APBA1: variants seen among roughly 807,000 people sequenced by gnomAD.
APBA1 encodes amyloid beta precursor protein binding family A member 1.
APBA1 carries 55 observed loss-of-function variants against 86.6 expected under a neutral mutation model. That is an observed-to-expected ratio of 0.64 (90% CI 0.51 to 0.80). APBA1 has a LOEUF of 0.80. APBA1 is among the 30% of genes least tolerant of loss of function. The probability of loss-of-function intolerance (pLI) is 0.00; values close to 1 mark genes in which losing one functional copy is unlikely to be tolerated. For missense variants in APBA1, 1,090 were observed against 1,183.0 expected (o/e 0.92, Z 1.15); for synonymous variants, 511 against 493.9 (o/e 1.03, Z -0.46).
At chr9:69,504,926 C>T (rs1835931642) in intron 2 of APBA1, among the ~76,000 whole-genome samples, 1 of 152,014 alleles carries the variant, frequency 6.6e-6, no homozygotes, top group Non-Finnish European at 1.5e-5. Flanking sequence ...TGACAGGCTT[C>T]CAAATAATCC....
chr9:69,630,637 C>T (rs772442717), intron 1 of APBA1, among the ~76,000 whole-genome samples: 1 of 152,162 alleles, frequency 6.6e-6, no homozygotes, highest in Non-Finnish European at 1.5e-5. Context: ...GCAAAGGACA[C>T]TTGTCCTTAA....
At position 69,516,814 on chromosome 9, in the gene APBA1, C is replaced by T; in HGVS notation, c.397G>A (p.Ala133Thr). 6.2e-7 allele frequency: 1 copy of T among 1,607,918 alleles called. No homozygotes were observed. The highest frequency in any genetic ancestry group is 8.5e-7 in the Non-Finnish European group (1 of 1,179,346). The change falls in exon 2 of 13, where the codon GCA (alanine) becomes ACA (threonine). Residue 133 changes from alanine (A) to threonine (T), a missense_variant. Coordinates refer to ENST00000265381, the MANE Select transcript of APBA1 (RefSeq NM_001163.4). The surrounding 1 kb of genome is among the most constrained non-coding windows in gnomAD (Gnocchi z 7.3). ...GTGGCCTCGGCGTGCTCGGCCTCTG[C>T]CTGCTCCGTGTACTCCTCGGCCTCG... is the stretch of plus-strand genomic sequence containing the variant. ...RPEAEEYTEQ[A>T]EAEHAEATHR...
chr9:69,520,447 CA>C (rs1418270311), intron 1 of APBA1, among the ~76,000 whole-genome samples: 2 of 152,022 alleles, frequency 1.3e-5, no homozygotes, highest in Admixed American at 6.5e-5. Context: ...TGAATGTGGA[CA>C]AAAATGTTTC....
chr9:69,528,349 A>C (rs535926166), intron 1 of APBA1, among the ~76,000 whole-genome samples: 129 of 152,230 alleles, frequency 8.5e-4, no homozygotes, highest in Admixed American at 2.9e-3. Context: ...TTTTGAATTT[A>C]TGCAGACTTT....
chr9:69,664,999 G>GT (rs1252671918), intron 1 of APBA1, among the ~76,000 whole-genome samples: 2 of 152,218 alleles, frequency 1.3e-5, no homozygotes, highest in African/African-American at 4.8e-5. Context: ...AGCTATAGCT[G>GT]TATCGACAGT....
intron 1 of APBA1, among the ~76,000 whole-genome samples, chr9:69,603,156 C>T (rs182402037): frequency 1.3e-5 from 2 of 152,306 alleles, no homozygotes; most frequent in East Asian, 3.9e-4. Flanking sequence ...CATTCACATG[C>T]CTTATGCCAC....
intron 2 of APBA1, among the ~76,000 whole-genome samples, chr9:69,499,732 C>A (rs1286610591): frequency 6.6e-6 from 1 of 150,980 alleles, no homozygotes; most frequent in Non-Finnish European, 1.5e-5. Context: ...AACATCAAGG[C>A]AATCAAGGCC....
At chr9:69,560,543 A>T (rs1836931728) in intron 1 of APBA1, among the ~76,000 whole-genome samples, 1 of 152,220 alleles carries the variant, frequency 6.6e-6, no homozygotes, top group African/African-American at 2.4e-5. Flanking sequence ...GGGGATGATC[A>T]AAATTCTTAC....
chr9:69,431,437 T>A, intron 12 of APBA1, 39 bp from the exon 13 acceptor site: 3 of 1,587,470 alleles, frequency 1.9e-6, no homozygotes, highest in Middle Eastern at 1.7e-4. Context: ...GGGCTGAGGC[T>A]GGGGGCTGGC....
intron 1 of APBA1, among the ~76,000 whole-genome samples, chr9:69,576,908 ATTGT>A (rs1009355681): frequency 6.6e-6 from 1 of 152,156 alleles, no homozygotes; most frequent in Non-Finnish European, 1.5e-5. Flanking sequence ...AATATAAAAT[ATTGT>A]TTAATTATTA....
intron 2 of APBA1, among the ~76,000 whole-genome samples, chr9:69,502,711 C>G (rs1835898125): frequency 6.6e-6 from 1 of 152,042 alleles, no homozygotes; most frequent in South Asian, 2.1e-4. Flanking sequence ...AAAAACATTT[C>G]ATTTTTGAAG....
At chr9:69,540,932 G>T (rs1391939587) in intron 1 of APBA1, among the ~76,000 whole-genome samples, 1 of 152,128 alleles carries the variant, frequency 6.6e-6, no homozygotes, top group African/African-American at 2.4e-5. Context: ...CCCCATATAG[G>T]TGAAATCATA....
chr9:69,523,477 GTATATATATATATATATATGTATA>G (rs1445439358), intron 1 of APBA1, among the ~76,000 whole-genome samples: 1,813 of 80,536 alleles, frequency 0.023, 27 homozygotes, highest in Middle Eastern at 0.032. Flanking sequence ...ATATATATAT[GTATATATATATATATATATGTATA>G]TATATATATA....
At chr9:69,448,104 C>T (rs563225345) in intron 10 of APBA1, among the ~76,000 whole-genome samples, 5 of 152,288 alleles carry the variant, frequency 3.3e-5, no homozygotes, top group Admixed American at 6.5e-5. Context: ...GACTCAACAC[C>T]GGCCCCTGTC....
intron 1 of APBA1, among the ~76,000 whole-genome samples, chr9:69,575,947 CA>C (rs2133952154): frequency 6.6e-6 from 1 of 152,264 alleles, no homozygotes; most frequent in Non-Finnish European, 1.5e-5. Context: ...AAAATTTTTG[CA>C]AGCTACTCAT....
chr9:69,629,512 C>T (rs910147235), intron 1 of APBA1, among the ~76,000 whole-genome samples: 2 of 152,106 alleles, frequency 1.3e-5, no homozygotes, highest in African/African-American at 4.8e-5. Context: ...AAGTCAGAAT[C>T]CACATTCTGT....
intron 2 of APBA1, among the ~76,000 whole-genome samples, chr9:69,512,913 A>C (rs1238184601): frequency 6.6e-6 from 1 of 152,158 alleles, no homozygotes; most frequent in Non-Finnish European, 1.5e-5. Flanking sequence ...ATACATGGAG[A>C]ACTAGTGTTC....
chr9:69,609,792 T>TTTG (rs562650274), intron 1 of APBA1, among the ~76,000 whole-genome samples: 35 of 151,886 alleles, frequency 2.3e-4, no homozygotes, highest in South Asian at 6.2e-4. Flanking sequence ...CTTTGGTGAG[T>TTTG]TTGTTGTTGT....
At chr9:69,666,281 T>C (rs547438111) in intron 1 of APBA1, among the ~76,000 whole-genome samples, 26 of 152,298 alleles carry the variant, frequency 1.7e-4, no homozygotes, top group African/African-American at 6.3e-4. Context: ...ATATCCTCTC[T>C]GCCTAGAAGA....
Sources: gnomAD v4.1 joint callset for allele counts (sites outside exome capture counted in the v4.1 genomes callset) on GRCh38, gnomAD v4.1.1 for gene constraint, Gnocchi (gnomAD v3.1) non-coding constraint, MANE v1.5 for transcripts, NCBI Gene and HGNC (gene_info 2026-07-23, HGNC 2026-07-21) for gene names.